The following GRID2 variants were observed in gnomAD, a reference collection of about 807,000 sequenced individuals.
The protein encoded by GRID2 is glutamate ionotropic receptor delta type subunit 2, also known as glutamate receptor ionotropic, delta-2.
Under a neutral mutation model 114.8 loss-of-function variants are expected in GRID2, and 33 were observed. That is an observed-to-expected ratio of 0.29 (90% confidence interval 0.22 to 0.38). The LOEUF (loss-of-function observed/expected upper bound fraction) is 0.38. Among genes scored for constraint, GRID2 ranks in the 10% least tolerant of loss-of-function variants. The pLI is 1.00. For missense variants in GRID2, 1,184 were observed against 1,257.7 expected, an observed-to-expected ratio of 0.94 and a Z score of 0.89; for synonymous variants, 505 against 449.9, an observed-to-expected ratio of 1.12 and a Z score of -1.55.
chr4:93,368,652 A>G (rs1219725367), intron 8 of GRID2, among the ~76,000 whole-genome samples: 1 of 152,190 alleles, frequency 6.6e-6, no homozygotes, highest in African/African-American at 2.4e-5. Context: ...AAGTAAAACA[A>G]TAAACTTTTT....
chr4:92,610,779 C>T (rs2167211), intron 2 of GRID2, among the ~76,000 whole-genome samples: 1 of 151,634 alleles, frequency 6.6e-6, no homozygotes, highest in African/African-American at 2.4e-5. Flanking sequence ...ATAGATTAGC[C>T]TCTTCTGGGC....
chr4:92,619,954 T>C (rs1730187803), intron 2 of GRID2, among the ~76,000 whole-genome samples: 2 of 151,700 alleles, frequency 1.3e-5, no homozygotes. Context: ...TCAGTTTTTA[T>C]GGAATAAGTG....
intron 9 of GRID2, among the ~76,000 whole-genome samples, chr4:93,397,868 T>C (rs1021718165): frequency 1.3e-5 from 2 of 151,902 alleles, no homozygotes; most frequent in South Asian, 2.1e-4. Flanking sequence ...TACCGAATTA[T>C]ATATTTATTT....
intron 4 of GRID2, among the ~76,000 whole-genome samples, chr4:93,170,719 C>A (rs961400852): frequency 6.6e-6 from 1 of 152,142 alleles, no homozygotes; most frequent in African/African-American, 2.4e-5. Flanking sequence ...CTGTTTCCAG[C>A]ATACACTTCT....
chr4:92,574,089 G>T (rs1414011183), intron 1 of GRID2, among the ~76,000 whole-genome samples: 3 of 151,938 alleles, frequency 2.0e-5, no homozygotes, highest in Non-Finnish European at 4.4e-5. Flanking sequence ...TTCTTTGTTG[G>T]TTTAAAGTCT....
intron 7 of GRID2, among the ~76,000 whole-genome samples, chr4:93,233,805 C>G (rs1746437685): frequency 6.6e-6 from 1 of 151,912 alleles, no homozygotes. Flanking sequence ...GGTTGTGGGC[C>G]ATGGGATGGA....
At chr4:93,538,316 A>C (rs2149523767) in intron 13 of GRID2, among the ~76,000 whole-genome samples, 1 of 151,908 alleles carries the variant, frequency 6.6e-6, no homozygotes, top group East Asian at 1.9e-4. Flanking sequence ...GAACAGAAAT[A>C]ACACAAGAAA....
At chr4:93,446,564 A>G (rs958576699) in intron 10 of GRID2, among the ~76,000 whole-genome samples, 5 of 152,082 alleles carry the variant, frequency 3.3e-5, no homozygotes, top group African/African-American at 1.2e-4. Context: ...TATAGTACCT[A>G]TGCACACAAT....
intron 2 of GRID2, among the ~76,000 whole-genome samples, chr4:92,915,551 CA>C (rs1241747944): frequency 6.6e-6 from 1 of 152,092 alleles, no homozygotes; most frequent in Non-Finnish European, 1.5e-5. Context: ...GGTGAGAACA[CA>C]AAGCCTAACC....
chr4:93,012,071 T>C (rs1379919603), intron 2 of GRID2, among the ~76,000 whole-genome samples: 1 of 136,566 alleles, frequency 7.3e-6, no homozygotes, highest in Non-Finnish European at 1.6e-5. Context: ...CCATATTGTA[T>C]TATCAGGCTG....
chr4:93,373,129 T>C (rs147630937), intron 8 of GRID2, among the ~76,000 whole-genome samples: 38 of 152,292 alleles, frequency 2.5e-4, no homozygotes, highest in African/African-American at 8.9e-4. Context: ...TCTTATTTCC[T>C]ATCATTTCCC....
chr4:93,097,058 A>G (rs975692672), intron 3 of GRID2, among the ~76,000 whole-genome samples: 3 of 151,996 alleles, frequency 2.0e-5, no homozygotes, highest in Non-Finnish European at 2.9e-5. Flanking sequence ...GTATGATTCC[A>G]TATATTTTAA....
intron 14 of GRID2, among the ~76,000 whole-genome samples, chr4:93,632,048 CT>C (rs1720948582): frequency 6.6e-6 from 1 of 152,158 alleles, no homozygotes; most frequent in East Asian, 1.9e-4. Context: ...CCTTCACCCA[CT>C]TTTTGATGAG....
chr4:93,729,029 A>G (rs1414396556), intron 14 of GRID2, among the ~76,000 whole-genome samples: 2 of 152,178 alleles, frequency 1.3e-5, no homozygotes, highest in African/African-American at 4.8e-5. Context: ...TCCTAACATT[A>G]TGATGTCAGC....
intron 11 of GRID2, among the ~76,000 whole-genome samples, chr4:93,456,200 A>G (rs1047591961): frequency 2.6e-5 from 4 of 152,158 alleles, no homozygotes; most frequent in African/African-American, 7.2e-5. Context: ...GTTTAATTTC[A>G]TCAACAAAGG....
At chr4:93,650,315 CTGAGATTATATCCTTTTTA>C (rs923812125) in intron 14 of GRID2, among the ~76,000 whole-genome samples, 1 of 151,958 alleles carries the variant, frequency 6.6e-6, no homozygotes, top group Non-Finnish European at 1.5e-5. Context: ...GTCTTTTTTT[CTGAGATTATATCCTTTTTA>C]TATTTGGGGA....
chr4:92,875,604 ATTATT>A (rs1167532216), intron 2 of GRID2, among the ~76,000 whole-genome samples: 2 of 152,214 alleles, frequency 1.3e-5, no homozygotes, highest in African/African-American at 2.4e-5. Context: ...CTTTTAGAAT[ATTATT>A]TTGAAGAAAA....
At chr4:93,622,916 T>C (rs1409139488) in intron 13 of GRID2, among the ~76,000 whole-genome samples, 1 of 152,232 alleles carries the variant, frequency 6.6e-6, no homozygotes, top group Non-Finnish European at 1.5e-5. Context: ...TCTCGCATGT[T>C]CTTCTAGTTT....
At chr4:93,044,404 A>C (rs900571551) in intron 2 of GRID2, among the ~76,000 whole-genome samples, 1 of 152,100 alleles carries the variant, frequency 6.6e-6, no homozygotes, top group Non-Finnish European at 1.5e-5. Flanking sequence ...GCTAAAGGAC[A>C]CTATTGTCCA....
Sources: gnomAD v4.1 joint callset for allele counts (sites outside exome capture counted in the v4.1 genomes callset) on GRCh38, gnomAD v4.1.1 for gene constraint, MANE v1.5 for transcripts, NCBI Gene and HGNC (gene_info 2026-07-23, HGNC 2026-07-21) for gene names.